Variants in NOVA1 observed in about 807,000 individuals in gnomAD.
NOVA1 encodes RNA-binding protein Nova-1.
NOVA1 carries 7 observed loss-of-function variants against 38.0 expected under a neutral mutation model. That is an observed-to-expected ratio of 0.18 (90% CI 0.10 to 0.35). The LOEUF is 0.35. Ranked by LOEUF, NOVA1 falls within the 10% of genes least tolerant of loss-of-function variation. The pLI, the probability that NOVA1 is intolerant of heterozygous loss-of-function variation, is 1.00. For missense variants in NOVA1, 460 were observed against 616.0 expected (o/e 0.75, Z 2.68); for synonymous variants, 270 against 232.5 (o/e 1.16, Z -1.47).
At chr14:26,504,918 T>C (rs1469878677) in intron 2 of NOVA1, among the ~76,000 whole-genome samples, 1 of 152,168 alleles carries the variant, frequency 6.6e-6, no homozygotes, top group Non-Finnish European at 1.5e-5. Context: ...AATTAATTTT[T>C]TGCACTCTCT....
chr14:26,501,340 A>T (rs1191869350), intron 2 of NOVA1, among the ~76,000 whole-genome samples: 1 of 152,038 alleles, frequency 6.6e-6, no homozygotes, highest in Non-Finnish European at 1.5e-5. Flanking sequence ...AGTGGCATAC[A>T]GTTGCATAGG....
intron 4 of NOVA1, among the ~76,000 whole-genome samples, chr14:26,466,992 C>T (rs1884195643): frequency 6.6e-6 from 1 of 152,104 alleles, no homozygotes; most frequent in Non-Finnish European, 1.5e-5. Context: ...TACAGCAGCA[C>T]AAAATGGACC....
At chr14:26,450,028 T>C (rs1882515012) in intron 4 of NOVA1, among the ~76,000 whole-genome samples, 1 of 152,110 alleles carries the variant, frequency 6.6e-6, no homozygotes, top group African/African-American at 2.4e-5. Context: ...TAATGACACA[T>C]ATGACAATGT....
intron 4 of NOVA1, among the ~76,000 whole-genome samples, chr14:26,455,994 A>T (rs934986541): frequency 4.7e-4 from 71 of 152,104 alleles, no homozygotes; most frequent in African/African-American, 1.6e-3. Context: ...TTCATCATCC[A>T]TGTGTCAAGT....
intron 2 of NOVA1, among the ~76,000 whole-genome samples, chr14:26,502,542 A>G (rs930926642): frequency 2.2e-4 from 33 of 151,852 alleles, no homozygotes; most frequent in Non-Finnish European, 3.4e-4. Context: ...TACAGCTTTC[A>G]TGAAAAATGT....
chr14:26,531,543 G>T (rs2138553752), intron 2 of NOVA1, among the ~76,000 whole-genome samples: 1 of 152,280 alleles, frequency 6.6e-6, no homozygotes, highest in African/African-American at 2.4e-5. Flanking sequence ...GGTGGTGGAG[G>T]TTGCCGTGAG....
intron 2 of NOVA1, among the ~76,000 whole-genome samples, chr14:26,583,011 T>C (rs1765964234): frequency 1.3e-5 from 2 of 151,802 alleles, no homozygotes; most frequent in Admixed American, 6.6e-5. Context: ...AGATGTCAAA[T>C]ACACCAGCAT....
intron 2 of NOVA1, among the ~76,000 whole-genome samples, chr14:26,565,547 C>A (rs577528332): frequency 6.6e-6 from 1 of 152,056 alleles, no homozygotes; most frequent in Non-Finnish European, 1.5e-5. Flanking sequence ...CGTAAAAAGA[C>A]AAAAAATTCG....
intron 2 of NOVA1, among the ~76,000 whole-genome samples, chr14:26,518,973 G>A (rs1350262541): frequency 6.6e-6 from 1 of 151,912 alleles, no homozygotes; most frequent in Non-Finnish European, 1.5e-5. Flanking sequence ...TGGTACTATA[G>A]AGTTGCTTCA....
At chr14:26,494,087 C>T (rs1463972089) in intron 2 of NOVA1, among the ~76,000 whole-genome samples, 2 of 152,166 alleles carry the variant, frequency 1.3e-5, no homozygotes, top group Non-Finnish European at 2.9e-5. Flanking sequence ...GACTCTTATC[C>T]TCATAGTAAT....
chr14:26,519,660 A>G (rs1015681500), intron 2 of NOVA1: 3 of 152,178 alleles, frequency 2.0e-5, no homozygotes, highest in African/African-American at 4.8e-5. Flanking sequence ...TCTTCCTAAC[A>G]TGTACTTTGA....
At chr14:26,584,430 G>A (rs1893399424) in intron 2 of NOVA1, among the ~76,000 whole-genome samples, 1 of 151,456 alleles carries the variant, frequency 6.6e-6, no homozygotes, top group Non-Finnish European at 1.5e-5. Context: ...ACCACTGTCA[G>A]TCATTTTACA....
intron 2 of NOVA1, among the ~76,000 whole-genome samples, chr14:26,537,614 A>G (rs1668736622): frequency 6.6e-6 from 1 of 152,176 alleles, no homozygotes; most frequent in African/African-American, 2.4e-5. Context: ...CCACTCCACA[A>G]TATGTATTTA....
chr14:26,527,241 G>C (rs562072052), intron 2 of NOVA1, among the ~76,000 whole-genome samples: 6 of 132,724 alleles, frequency 4.5e-5, no homozygotes, highest in African/African-American at 1.7e-4. Flanking sequence ...CTGAAGCCTG[G>C]CAGTGGGACA....
intron 2 of NOVA1, among the ~76,000 whole-genome samples, chr14:26,531,187 T>C (rs1889684576): frequency 6.6e-6 from 1 of 152,236 alleles, no homozygotes; most frequent in African/African-American, 2.4e-5. Flanking sequence ...GTCTGTCAAA[T>C]GTGTGATGAT....
Position 26,448,477 on chromosome 14 carries a change from G to C in NOVA1, c.1006C>G (p.Leu336Val). 1.2e-6 allele frequency: 2 copies of C among 1,613,774 alleles called. No homozygotes were observed. The highest frequency in any genetic ancestry group is 1.7e-6 in the Non-Finnish European group (2 of 1,180,002). Residue 336 changes from leucine to valine, a missense_variant, in exon 5 of 5, where the codon CTC becomes GTC. Leu to Val is a conservative substitution (Grantham distance 32). Coordinates refer to ENST00000539517, the MANE Select transcript of NOVA1 (RefSeq NM_002515.3). This position sits in a 1 kb window ranked among gnomAD's most constrained non-coding sequence, Gnocchi z 5.3. Reference sequence around the variant, plus strand: ...GCCCCTGTTGCTGCTGCTTGACTGAGACCTAAACCTAAAGTGTTGAGATTA... The same window carrying C: ...GCCCCTGTTGCTGCTGCTTGACTGACACCTAAACCTAAAGTGTTGAGATTA... ...GYNLNTLGLG[L>V]SQAAATGALA... is the part of the protein sequence containing the mutation.
intron 4 of NOVA1, among the ~76,000 whole-genome samples, chr14:26,457,901 A>G (rs1883313923): frequency 6.6e-6 from 1 of 152,042 alleles, no homozygotes; most frequent in African/African-American, 2.4e-5. Context: ...GAGTAGGCTA[A>G]TGTGTGTCTT....
At position 26,480,153 on chromosome 14, in the gene NOVA1, A is replaced by G. The variant is rs773114461; in HGVS notation, c.281-10T>C. On this transcript the variant is annotated splice_polypyrimidine_tract_variant and intron_variant, in intron 2 of 4. Coordinates refer to ENST00000539517, the MANE Select transcript of NOVA1 (RefSeq NM_002515.3). Reference sequence around the variant, plus strand: ...ACTCGCTCAGTAGTACCTGTGGATAAAACATTGATTTTCAGAAAATATTCC... The same window carrying G: ...ACTCGCTCAGTAGTACCTGTGGATAGAACATTGATTTTCAGAAAATATTCC... The G allele has an allele frequency of 8.2e-6, 13 of 1,589,952 alleles. No individual in the cohort carries two copies. The South Asian group carries it at 1.5e-4, about 18-fold the overall frequency.
chr14:26,568,187 T>C (rs1485996817), intron 2 of NOVA1, among the ~76,000 whole-genome samples: 7 of 152,230 alleles, frequency 4.6e-5, no homozygotes, highest in African/African-American at 1.4e-4. Flanking sequence ...GTAACTGTTA[T>C]TAGATCTTCT....
Sources: allele counts gnomAD v4.1 joint callset (sites outside exome capture counted in the v4.1 genomes callset), GRCh38; gene constraint gnomAD v4.1.1; non-coding constraint Gnocchi (gnomAD v3.1); transcripts MANE v1.5; gene names NCBI Gene and HGNC (gene_info 2026-07-23, HGNC 2026-07-21).